Variants in MYH14 observed in about 807,000 individuals in gnomAD.
The protein encoded by MYH14 is myosin-14.
Under a neutral mutation model 255.5 loss-of-function variants are expected in MYH14, and 123 were observed. That is an observed-to-expected ratio of 0.48 (90% CI 0.42 to 0.56). The LOEUF (loss-of-function observed/expected upper bound fraction) is 0.56, where lower values mean the gene tolerates loss of function less well. Ranked by LOEUF, MYH14 falls within the 20% of genes least tolerant of loss-of-function variation. The pLI is 0.00. For synonymous variants in MYH14, 1,095 were observed against 1,161.2 expected (o/e 0.94, Z 1.16); for missense variants, 2,423 against 2,802.3 (o/e 0.86, Z 3.06).
chr19:50,288,559 C>A (rs2035966433), intron 34 of MYH14, among the ~76,000 whole-genome samples: 1 of 152,122 alleles, frequency 6.6e-6, no homozygotes. Context: ...TGGCAAGTAC[C>A]AAATAGGAAG....
intron 41 of MYH14, 27 bp from the exon 42 acceptor site, chr19:50,308,978 T>A (rs756485584): frequency 1.3e-6 from 2 of 1,584,272 alleles, no homozygotes; most frequent in African/African-American, 2.7e-5. Context: ...CCTGGAGATA[T>A]AACCCAGTCC....
intron 3 of MYH14, among the ~76,000 whole-genome samples, chr19:50,220,635 A>T (rs1190491681): frequency 1.3e-5 from 2 of 151,886 alleles, no homozygotes; most frequent in Non-Finnish European, 1.5e-5. Context: ...AGCTCGCTGC[A>T]ACCTCCTCCC....
At chr19:50,295,310 G>A (rs2123462057) in intron 39 of MYH14, among the ~76,000 whole-genome samples, 1 of 151,620 alleles carries the variant, frequency 6.6e-6, no homozygotes, top group South Asian at 2.1e-4. Flanking sequence ...GGGCGACAGA[G>A]CAAGACTCCA....
At chr19:50,262,953 A>G (rs1471012114) in intron 21 of MYH14, among the ~76,000 whole-genome samples, 1 of 151,958 alleles carries the variant, frequency 6.6e-6, no homozygotes, top group East Asian at 1.9e-4. Flanking sequence ...TAATCTCAGC[A>G]CTTTGGGAGG....
rs755994602 is a variant in MYH14, at chr19:50,268,179, C to T, written c.2845C>T (p.Arg949Cys). 70 of 1,548,718 alleles carry T rather than the reference C, an allele frequency of 4.5e-5. No individual in the cohort carries two copies. Among genetic ancestry groups the T allele is most frequent in the Non-Finnish European group, 5.6e-5 (64 of 1,147,690 alleles). Reference protein sequence around the residue: ...RVAQLEEERARLAEQLRAEAE... With the variant: ...RVAQLEEERACLAEQLRAEAE... ...TCCCCAGCTGGAAGAGGAGCGCGCC[C>T]GCCTGGCAGAGCAATTGCGAGCAGA... The change falls in exon 24 of 43, where the codon CGC becomes TGC. Residue 949 changes from arginine (R) to cysteine (C), a missense_variant. By Grantham distance (180) the Arg-to-Cys change is radical (BLOSUM62 -3). This residue lies in a region of MYH14 where 1,513 missense variants were observed against 1,674.8 expected (regional missense o/e 0.90). Transcript: ENST00000642316.
rs1190667051 is a variant in MYH14, at chr19:50,266,056, T to C, written c.2695-821T>C. On this transcript the variant is annotated intron_variant, in intron 22 of 42. Coordinates refer to ENST00000642316, the MANE Select transcript of MYH14 (RefSeq NM_001145809.2). This position sits in a 1 kb window ranked among gnomAD's most constrained non-coding sequence, Gnocchi z 4.1. ...GGAGAGAATAGAAGGGATACAGAAT[T>C]GGGTGGAGAGGAAAAGAATCAAGTA... Among the ~76,000 whole-genome samples the C allele has an allele frequency of 6.6e-6, 1 of 151,976 alleles. No individual in the cohort carries two copies. Among genetic ancestry groups the C allele is most frequent in the Non-Finnish European group, 1.5e-5 (1 of 68,000 alleles).
At chr19:50,246,092 C>T (rs573427857) in intron 11 of MYH14, among the ~76,000 whole-genome samples, 1 of 88,294 alleles carries the variant, frequency 1.1e-5, no homozygotes, top group Admixed American at 1.2e-4. Flanking sequence ...CCCCCCCTCC[C>T]TCCCTCCCTC....
At chr19:50,275,485 G>A (rs1461314754) in intron 27 of MYH14, among the ~76,000 whole-genome samples, 3 of 152,184 alleles carry the variant, frequency 2.0e-5, no homozygotes, top group South Asian at 2.1e-4. Context: ...TGTCTCCTAC[G>A]ATTACTGTTG....
chr19:50,276,159 G>A lies in MYH14; in HGVS notation c.3636G>A (p.Glu1212=), dbSNP rs748451285. The A allele has an allele frequency of 3.2e-5, 50 of 1,565,308 alleles. No homozygotes were observed. Among genetic ancestry groups the A allele is most frequent in the Non-Finnish European group, 4.0e-5 (46 of 1,156,826 alleles). ...LGEELEALRG[E]LEDTLDSTNA... is the part of the protein sequence containing the mutation. ...AGGAGCTGGAGGCGCTGCGGGGCGA[G>A]CTGGAGGACACGCTGGACTCCACCA... Residue 1212 remains glutamate (E), a synonymous_variant, in exon 28 of 43, where the codon GAG becomes GAA. Transcript: ENST00000642316. This position sits in a 1 kb window ranked among gnomAD's most constrained non-coding sequence, Gnocchi z 4.3.
At chr19:50,227,042 T>G in intron 8 of MYH14, 76 bp downstream of exon 8, 1 of 1,236,800 alleles carries the variant, frequency 8.1e-7, no homozygotes, top group East Asian at 4.4e-5. Flanking sequence ...GGAAAGCACC[T>G]CCCACTGCAG....
intron 2 of MYH14, among the ~76,000 whole-genome samples, chr19:50,212,121 T>A (rs1016282323): frequency 2.0e-5 from 3 of 152,194 alleles, no homozygotes; most frequent in African/African-American, 7.2e-5. Context: ...AGCAAACGGA[T>A]GGGGTAGAGC....
chr19:50,222,688 T>C (rs903795962), intron 3 of MYH14, among the ~76,000 whole-genome samples: 3 of 152,058 alleles, frequency 2.0e-5, no homozygotes, highest in African/African-American at 7.2e-5. Context: ...ATGGCTGTGT[T>C]AGGCCCAGGG....
chr19:50,259,890 T>A (rs1198407809), intron 19 of MYH14, among the ~76,000 whole-genome samples: 3 of 151,228 alleles, frequency 2.0e-5, no homozygotes, highest in Non-Finnish European at 4.4e-5. Flanking sequence ...AAAAAATAAA[T>A]AAGTAAATAA....
intron 11 of MYH14, among the ~76,000 whole-genome samples, chr19:50,246,127 C>G (rs2034115807): frequency 8.2e-6 from 1 of 122,580 alleles, no homozygotes; most frequent in Non-Finnish European, 1.6e-5. Flanking sequence ...TTCCTTCCTT[C>G]CTTCCCTCCT....
intron 27 of MYH14, among the ~76,000 whole-genome samples, chr19:50,275,553 G>A (rs907019192): frequency 2.0e-5 from 3 of 152,186 alleles, no homozygotes; most frequent in Non-Finnish European, 2.9e-5. Flanking sequence ...CAGGCTGGGC[G>A]AAGTGGCTCA....
intron 20 of MYH14, among the ~76,000 whole-genome samples, chr19:50,260,982 C>T (rs1030306477): frequency 6.7e-6 from 1 of 149,338 alleles, no homozygotes; most frequent in African/African-American, 2.5e-5. Context: ...TTACCTCTCC[C>T]TATCACCGCC....
Position 50,290,898 on chromosome 19 carries a change from A to C in MYH14, c.4977A>C (p.Ala1659=), listed in dbSNP as rs1383440756. 2 of 1,561,974 alleles carry C rather than the reference A, an allele frequency of 1.3e-6. No individual in the cohort carries two copies. Among genetic ancestry groups the C allele is most frequent in the Admixed American group, 1.9e-5 (1 of 51,958 alleles). Residue 1659 remains alanine (A), a synonymous_variant, in exon 36 of 43, where the codon GCA becomes GCC. Coordinates refer to ENST00000642316, the MANE Select transcript of MYH14 (RefSeq NM_001145809.2). ...RRQLAKQLRD[A]EVERDEERKQ... ...GACCTCCTCTCCAGCTGAGAGATGCAGAGGTGGAGCGGGATGAGGAGCGGA... is the reference window on the plus strand; with the variant it reads ...GACCTCCTCTCCAGCTGAGAGATGCCGAGGTGGAGCGGGATGAGGAGCGGA...
At chr19:50,267,623 A>AAAAAAAAATAATAATAATAATAAT (rs138463829) in intron 23 of MYH14, among the ~76,000 whole-genome samples, 1 of 149,146 alleles carries the variant, frequency 6.7e-6, no homozygotes, top group African/African-American at 2.5e-5. Flanking sequence ...TCTGTCTCAA[A>AAAAAAAAATAATAATAATAATAAT]AATAATAATA....
intron 42 of MYH14, 194 bp from the exon 43 acceptor site, chr19:50,309,446 A>G: frequency 1.6e-6 from 1 of 613,352 alleles, no homozygotes; most frequent in Non-Finnish European, 2.9e-6. Context: ...TGTGTCCTTC[A>G]TCTCTCTCTG....
Sources: gnomAD v4.1 joint callset for allele counts (sites outside exome capture counted in the v4.1 genomes callset) on GRCh38, gnomAD v4.1.1 for gene constraint, gnomAD v4.1.1 regional missense constraint, Gnocchi (gnomAD v3.1) non-coding constraint, MANE v1.5 for transcripts, NCBI Gene and HGNC (gene_info 2026-07-23, HGNC 2026-07-21) for gene names.